MPPED2: variants seen among roughly 807,000 people sequenced by gnomAD.
MPPED2 encodes metallophosphoesterase domain containing 2.
MPPED2 carries 5 observed loss-of-function variants against 33.0 expected under a neutral mutation model. The observed-to-expected ratio is 0.15, with a 90% CI of 0.08 to 0.32. MPPED2 has a LOEUF of 0.32. Among genes scored for constraint, MPPED2 ranks in the 10% least tolerant of loss-of-function variants. The pLI is 1.00. For synonymous variants in MPPED2, 136 were observed against 141.9 expected (o/e 0.96, Z 0.29); for missense variants, 275 against 372.1 (o/e 0.74, Z 2.15).
At chr11:30,581,376 G>T (rs1002207592) in intron 1 of MPPED2, among the ~76,000 whole-genome samples, 4 of 152,100 alleles carry the variant, frequency 2.6e-5, no homozygotes, top group African/African-American at 9.7e-5. Flanking sequence ...TGCTGCACTG[G>T]GTTGAGAAAT....
At chr11:30,497,435 T>G (rs1952322398) in intron 3 of MPPED2, among the ~76,000 whole-genome samples, 1 of 152,160 alleles carries the variant, frequency 6.6e-6, no homozygotes, top group Non-Finnish European at 1.5e-5. Flanking sequence ...CAGACAGCAA[T>G]GTCTTCCAAG....
intron 4 of MPPED2, among the ~76,000 whole-genome samples, chr11:30,466,053 CTTTT>C (rs1950693805): frequency 6.6e-6 from 1 of 152,182 alleles, no homozygotes; most frequent in Admixed American, 6.5e-5. Context: ...TTTTACTTTT[CTTTT>C]CAGTTGGCCT....
At chr11:30,521,029 C>A (rs999456404) in intron 3 of MPPED2, among the ~76,000 whole-genome samples, 6 of 152,206 alleles carry the variant, frequency 3.9e-5, no homozygotes, top group Non-Finnish European at 7.3e-5. Context: ...ACTATCCCCA[C>A]TTCCTTCTCC....
intron 4 of MPPED2, among the ~76,000 whole-genome samples, chr11:30,461,488 C>T (rs545102757): frequency 2.6e-5 from 4 of 152,174 alleles, no homozygotes; most frequent in South Asian, 4.2e-4. Context: ...TGTGCCACAG[C>T]GAAGTTGAGA....
intron 4 of MPPED2, among the ~76,000 whole-genome samples, chr11:30,481,986 C>A (rs749909339): frequency 1.3e-5 from 2 of 152,040 alleles, no homozygotes; most frequent in Non-Finnish European, 2.9e-5. Context: ...TGCCAACCCA[C>A]ACACACACCC....
At chr11:30,464,167 G>A (rs1408581253) in intron 4 of MPPED2, among the ~76,000 whole-genome samples, 2 of 151,974 alleles carry the variant, frequency 1.3e-5, no homozygotes, top group East Asian at 3.9e-4. Context: ...TTTTATCAGA[G>A]GCAGAGGTTA....
intron 3 of MPPED2, among the ~76,000 whole-genome samples, chr11:30,528,660 T>C (rs1010940146): frequency 1.7e-4 from 26 of 152,184 alleles, no homozygotes; most frequent in African/African-American, 5.8e-4. Context: ...GGTCTCACTA[T>C]GCTGCCCAGG....
intron 6 of MPPED2, among the ~76,000 whole-genome samples, chr11:30,396,167 T>C (rs916253546): frequency 1.3e-5 from 2 of 152,118 alleles, no homozygotes; most frequent in African/African-American, 4.8e-5. Flanking sequence ...CACTGTCCTC[T>C]GACTCCCCTG....
intron 2 of MPPED2, among the ~76,000 whole-genome samples, chr11:30,539,985 C>A (rs1590775302): frequency 4.6e-5 from 7 of 152,224 alleles, no homozygotes; most frequent in Admixed American, 2.6e-4. Flanking sequence ...CCCTGTGCAA[C>A]CCATCCTAGT....
At chr11:30,390,266 T>C (rs1947754902) in intron 6 of MPPED2, among the ~76,000 whole-genome samples, 1 of 152,226 alleles carries the variant, frequency 6.6e-6, no homozygotes, top group Non-Finnish European at 1.5e-5. Context: ...ACAGTTTCTT[T>C]GTCTGATTTT....
At chr11:30,436,050 CTTTTTTTTTTTT>C (rs71060449) in intron 4 of MPPED2, among the ~76,000 whole-genome samples, 3 of 108,462 alleles carry the variant, frequency 2.8e-5, no homozygotes, top group Non-Finnish European at 5.5e-5. Flanking sequence ...AGTTTAGCAT[CTTTTTTTTTTTT>C]TTTTTTTTTT....
chr11:30,518,185 C>G (rs372734938), intron 3 of MPPED2, among the ~76,000 whole-genome samples: 1 of 152,098 alleles, frequency 6.6e-6, no homozygotes, highest in Non-Finnish European at 1.5e-5. Context: ...CTCTTTTAAC[C>G]GACAGTCTCC....
chr11:30,414,299 C>G lies in MPPED2; in HGVS notation c.695G>C (p.Cys232Ser). 1.2e-6 allele frequency: 2 copies of G among 1,614,064 alleles called. No homozygotes were observed. Among genetic ancestry groups the G allele is most frequent in the Non-Finnish European group, 1.7e-6 (2 of 1,179,918 alleles). ...WVPKELQRVG[C>S]VELLNTVQRR... ...CTGAACCGTGTTTAACAGCTCCACA[C>G]AGCCCACTCTTTGAAGCTCCTTTGG... Residue 232 changes from cysteine to serine, a missense_variant, in exon 6 of 7, where the codon TGT becomes TCT. Physicochemically the swap from Cys to Ser is moderately radical, Grantham distance 112 (BLOSUM62 -1). Coordinates refer to ENST00000358117, the MANE Select transcript of MPPED2 (RefSeq NM_001584.3).
chr11:30,388,721 G>A (rs987564010), exon 7 of MPPED2: 1 of 828,906 alleles, frequency 1.2e-6, no homozygotes, highest in African/African-American at 1.7e-5. Context: ...CACCAGGTGA[G>A]CTTCCCTGTC....
At chr11:30,585,425 A>G (rs1957417799) in intron 1 of MPPED2, among the ~76,000 whole-genome samples, 1 of 151,900 alleles carries the variant, frequency 6.6e-6, no homozygotes. Flanking sequence ...GCCGGAGCAC[A>G]AAGCTGCGCG....
At chr11:30,406,596 C>T (rs562229136), downstream of MPPED2, among the ~76,000 whole-genome samples, 7 of 152,228 alleles carry the variant, frequency 4.6e-5, no homozygotes, top group Admixed American at 1.3e-4. Context: ...AAGAGCCATG[C>T]TAGAAGGCCG....
intron 3 of MPPED2, among the ~76,000 whole-genome samples, chr11:30,497,318 G>T (rs1198231373): frequency 6.6e-6 from 1 of 152,132 alleles, no homozygotes; most frequent in Non-Finnish European, 1.5e-5. Context: ...ATTTGTGAGA[G>T]ACCCTACAAC....
chr11:30,388,054 T>A (rs568699675), exon 7 of MPPED2: 162 of 152,374 alleles, frequency 1.1e-3, no homozygotes, highest in Non-Finnish European at 2.0e-3. Context: ...CACTGCCGCC[T>A]TCAAGGCCCC....
At chr11:30,544,476 C>T (rs754739079) in intron 2 of MPPED2, among the ~76,000 whole-genome samples, 1 of 152,168 alleles carries the variant, frequency 6.6e-6, no homozygotes, top group African/African-American at 2.4e-5. Context: ...ATAAAGAAGA[C>T]AAAGAAGCAA....
Sources: gnomAD v4.1 joint callset for allele counts (sites outside exome capture counted in the v4.1 genomes callset) on GRCh38, gnomAD v4.1.1 for gene constraint, MANE v1.5 for transcripts, NCBI Gene and HGNC (gene_info 2026-07-23, HGNC 2026-07-21) for gene names.